Variants in THSD7B observed in about 807,000 individuals in gnomAD.
THSD7B encodes thrombospondin type-1 domain-containing protein 7B.
Under a neutral mutation model 213.6 loss-of-function variants are expected in THSD7B, and 138 were observed. The ratio of observed to expected loss-of-function variants is 0.65; its 90% CI spans 0.56 to 0.74. THSD7B has a LOEUF of 0.74. Among genes scored for constraint, THSD7B ranks in the 30% least tolerant of loss-of-function variants. The pLI, the probability that THSD7B is intolerant of heterozygous loss-of-function variation, is 0.00. For missense variants in THSD7B, 1,931 were observed against 1,991.5 expected, an observed-to-expected ratio of 0.97 and a Z score of 0.58; for synonymous variants, 742 against 687.0, an observed-to-expected ratio of 1.08 and a Z score of -1.25.
At chr2:136,889,994 T>C (rs967866677) in intron 2 of THSD7B, among the ~76,000 whole-genome samples, 10 of 152,188 alleles carry the variant, frequency 6.6e-5, no homozygotes, top group African/African-American at 2.2e-4. Flanking sequence ...GTCATATACT[T>C]GATTGATAGC....
chr2:137,241,909 A>AG (rs1341744590), intron 9 of THSD7B, among the ~76,000 whole-genome samples: 1 of 149,964 alleles, frequency 6.7e-6, no homozygotes, highest in African/African-American at 2.4e-5. Flanking sequence ...ACTCCATCTC[A>AG]GGAAAAAAAA....
intron 15 of THSD7B, among the ~76,000 whole-genome samples, chr2:137,530,523 A>C (rs1270818008): frequency 6.6e-6 from 1 of 152,014 alleles, no homozygotes; most frequent in African/African-American, 2.4e-5. Context: ...ATAGAGCTTC[A>C]AGTCAGCTTG....
At chr2:136,961,961 A>G (rs990651104) in intron 2 of THSD7B, among the ~76,000 whole-genome samples, 8 of 152,210 alleles carry the variant, frequency 5.3e-5, no homozygotes, top group Non-Finnish European at 1.2e-4. Flanking sequence ...TGAGTATGCT[A>G]GTTTCCATGG....
chr2:137,170,770 A>T lies in THSD7B; in HGVS notation c.1555A>T (p.Met519Leu), dbSNP rs1158830471. 1 of 1,613,454 alleles carries T rather than the reference A, an allele frequency of 6.2e-7. No individual in the cohort carries two copies. The highest frequency in any genetic ancestry group is 1.3e-5 in the African/African-American group (1 of 74,888). The change falls in exon 7 of 28, where the codon ATG becomes TTG. Residue 519 changes from methionine (M) to leucine (L), a missense_variant. Coordinates refer to ENST00000409968, the MANE Select transcript of THSD7B (RefSeq NM_001316349.2). ...TAGAACGAGGCAGCGCCATGTCCTC[A>T]TGGAATCTACAGGGCCTGCAGGGCA... is the stretch of plus-strand genomic sequence containing the variant. ...GFRTRQRHVL[M>L]ESTGPAGHCP... is the part of the protein sequence containing the mutation.
chr2:137,168,414 G>A (rs903132830), intron 6 of THSD7B, among the ~76,000 whole-genome samples: 23 of 152,292 alleles, frequency 1.5e-4, no homozygotes, highest in Admixed American at 5.2e-4. Context: ...CATGAACAGC[G>A]ATGTGTGATT....
At chr2:136,771,673 A>G (rs921173139) in intron 1 of THSD7B, among the ~76,000 whole-genome samples, 5 of 152,168 alleles carry the variant, frequency 3.3e-5, no homozygotes, top group Non-Finnish European at 4.4e-5. Flanking sequence ...GCCCTCTCTC[A>G]GTCTGAACAA....
chr2:137,416,614 C>G (rs543399654), intron 14 of THSD7B, among the ~76,000 whole-genome samples: 1 of 152,190 alleles, frequency 6.6e-6, no homozygotes, highest in Admixed American at 6.5e-5. Context: ...TATCTGTTGG[C>G]TGAATGAATG....
intron 7 of THSD7B, among the ~76,000 whole-genome samples, chr2:137,216,336 G>A (rs1398660502): frequency 7.5e-6 from 1 of 133,296 alleles, no homozygotes; most frequent in Non-Finnish European, 1.5e-5. Flanking sequence ...TATTTTCTAG[G>A]TTAGAGAAAC....
chr2:137,251,381 C>G (rs1310974975), intron 10 of THSD7B, among the ~76,000 whole-genome samples: 1 of 152,120 alleles, frequency 6.6e-6, no homozygotes, highest in East Asian at 1.9e-4. Context: ...ATTCATTTGT[C>G]TGTCAGTCTG....
intron 15 of THSD7B, among the ~76,000 whole-genome samples, chr2:137,539,845 C>T (rs541537000): frequency 8.6e-5 from 13 of 151,400 alleles, no homozygotes; most frequent in South Asian, 4.2e-4. Context: ...TTCTTTTTTT[C>T]GGTTGAAGAT....
At chr2:137,075,412 C>G (rs1034893912) in intron 3 of THSD7B, among the ~76,000 whole-genome samples, 11 of 152,196 alleles carry the variant, frequency 7.2e-5, no homozygotes, top group African/African-American at 2.7e-4. Context: ...TCATGTAGCT[C>G]TCGTGCCTTG....
At chr2:137,543,116 T>C (rs1391995339) in intron 15 of THSD7B, among the ~76,000 whole-genome samples, 1 of 151,784 alleles carries the variant, frequency 6.6e-6, no homozygotes, top group East Asian at 1.9e-4. Context: ...GGCCAGATTA[T>C]TCTAATCTTT....
intron 15 of THSD7B, among the ~76,000 whole-genome samples, chr2:137,511,939 A>G (rs375482364): frequency 2.6e-5 from 4 of 152,256 alleles, no homozygotes; most frequent in African/African-American, 7.2e-5. Flanking sequence ...ATGTAAAGCT[A>G]TTGGATTTTG....
chr2:137,375,608 C>T (rs1685635549), intron 12 of THSD7B, among the ~76,000 whole-genome samples: 1 of 152,116 alleles, frequency 6.6e-6, no homozygotes, highest in Non-Finnish European at 1.5e-5. Context: ...ATAAGGACTA[C>T]AAAATGATCC....
chr2:137,338,914 T>A (rs1684699265), intron 12 of THSD7B, among the ~76,000 whole-genome samples: 1 of 152,026 alleles, frequency 6.6e-6, no homozygotes, highest in Non-Finnish European at 1.5e-5. Flanking sequence ...TTTATGAAGG[T>A]TCCTTGGCAT....
chr2:136,902,515 C>A (rs1303702357), intron 2 of THSD7B, among the ~76,000 whole-genome samples: 1 of 152,202 alleles, frequency 6.6e-6, no homozygotes, highest in East Asian at 1.9e-4. Context: ...CATGCGCCCT[C>A]TGAGTCTGTC....
intron 12 of THSD7B, among the ~76,000 whole-genome samples, chr2:137,378,165 G>C (rs1037506950): frequency 4.6e-5 from 7 of 152,134 alleles, no homozygotes; most frequent in Admixed American, 4.6e-4. Context: ...GCCTGGTTGC[G>C]ATGAAAGCTC....
chr2:137,524,944 T>G (rs970043218), intron 15 of THSD7B, among the ~76,000 whole-genome samples: 2 of 152,172 alleles, frequency 1.3e-5, no homozygotes, highest in Non-Finnish European at 2.9e-5. Context: ...ATTCACTCTC[T>G]TTTTCATGTA....
intron 12 of THSD7B, among the ~76,000 whole-genome samples, chr2:137,346,638 A>G (rs1205065140): frequency 6.6e-6 from 1 of 151,736 alleles, no homozygotes; most frequent in Non-Finnish European, 1.5e-5. Flanking sequence ...ATGTCTAGAA[A>G]GTGCTATACA....
Sources: allele counts gnomAD v4.1 joint callset (sites outside exome capture counted in the v4.1 genomes callset), GRCh38; gene constraint gnomAD v4.1.1; transcripts MANE v1.5; gene names NCBI Gene and HGNC (gene_info 2026-07-23, HGNC 2026-07-21).